The following HMGA1 variants were observed in gnomAD, a reference collection of about 807,000 sequenced individuals.
The protein encoded by HMGA1 is high mobility group AT-hook 1, also known as high mobility group protein HMG-I/HMG-Y.
HMGA1 carries 1 observed loss-of-function variant against 15.1 expected under a neutral mutation model. The observed-to-expected ratio is 0.07, with a 90% confidence interval of 0.02 to 0.31. The LOEUF is 0.31. Among genes scored for constraint, HMGA1 ranks in the 10% least tolerant of loss-of-function variants. The pLI is 1.00. For missense variants in HMGA1, 94 were observed against 141.4 expected, an observed-to-expected ratio of 0.66 and a Z score of 1.70; for synonymous variants, 56 against 54.8, an observed-to-expected ratio of 1.02 and a Z score of -0.10.
chr6:34,239,717 C>G (rs758519125), intron 2 of HMGA1, among the ~76,000 whole-genome samples: 3 of 152,062 alleles, frequency 2.0e-5, no homozygotes, highest in Non-Finnish European at 4.4e-5. Context: ...GAGGACTGTC[C>G]TTTTTAAGCC....
rs762449678 is a variant in HMGA1, at chr6:34,243,536, C to T, written c.270+18C>T. 1.9e-6 allele frequency: 3 copies of T among 1,593,498 alleles called. No homozygotes were observed. The South Asian group carries it at 3.3e-5, about 18-fold the overall frequency. On this transcript the variant is annotated intron_variant, in intron 5 of 5. Transcript: ENST00000311487. ...AAAAACTGGTAGGTGAAGAAGCAGA[C>T]TGCTGCTTGCCTCCTGGGCTCTTTT...
rs1295284467 is a variant in HMGA1 at position 34,245,544 on chromosome 6, C to G, written c.*660C>G. 4 of 1,380,736 alleles carry G rather than the reference C, an allele frequency of 2.9e-6. No individual in the cohort carries two copies. The Admixed American group carries it at 8.7e-5, about 30-fold the overall frequency. 85.5% of individuals were successfully genotyped at this position (1,380,736 alleles called of 1,614,324 possible). ...TTACAGGAAGGCAGGAGGGGTGAGT[C>G]CCCTACTCCCTCTTCACTGTGGCCA... On this transcript the variant is annotated 3_prime_UTR_variant, in exon 6 of 6. Transcript: ENST00000311487.
At chr6:34,244,755 G>T in intron 5 of HMGA1, 76 bp from the exon 6 acceptor site, 3 of 1,233,098 alleles carry the variant, frequency 2.4e-6, no homozygotes, top group Non-Finnish European at 3.5e-6. Flanking sequence ...AGTGCAGGGA[G>T]CGGGTGGGGC....
rs1383656772 is a variant in HMGA1 at position 34,245,250 on chromosome 6, G to T, written c.*366G>T. ...CATTGCTCTCTGGGCTTTTGGTTTG[G>T]GGGCGCCCTCTCTGCTCCTTCACTG... is the stretch of plus-strand genomic sequence containing the variant. On this transcript the variant is annotated 3_prime_UTR_variant, in exon 6 of 6. Coordinates refer to ENST00000311487, the MANE Select transcript of HMGA1 (RefSeq NM_145899.3). The T allele has an allele frequency of 7.2e-7, 1 of 1,379,980 alleles. No homozygotes were observed. Among genetic ancestry groups the T allele is most frequent in the Admixed American group, 2.2e-5 (1 of 46,238 alleles). 85.5% of individuals were successfully genotyped at this position (1,379,980 alleles called of 1,614,324 possible). A position where few individuals can be genotyped will look rare whatever the true frequency, so the allele number is the denominator to read the frequency against.
At chr6:34,240,965 A>T in intron 3 of HMGA1, 50 bp downstream of exon 3, 1 of 1,606,982 alleles carries the variant, frequency 6.2e-7, no homozygotes. Context: ...GGGGCTAGGG[A>T]GGTGCCTGGA....
At chr6:34,240,970 C>T in intron 3 of HMGA1, 55 bp downstream of exon 3, 1 of 1,602,646 alleles carries the variant, frequency 6.2e-7, no homozygotes, top group Non-Finnish European at 8.5e-7. Flanking sequence ...TAGGGAGGTG[C>T]CTGGAGTTTC....
chr6:34,245,438 T>G lies in HMGA1; in HGVS notation c.*554T>G, dbSNP rs1277550684. On this transcript the variant is annotated 3_prime_UTR_variant, in exon 6 of 6. Transcript: ENST00000311487. Reference sequence around the variant, plus strand: ...CCCCAGGATTCCCCCAGCCAAACTGTCTTTGTCACCACGTGGGGCTCACTT... The same window carrying G: ...CCCCAGGATTCCCCCAGCCAAACTGGCTTTGTCACCACGTGGGGCTCACTT... 9 of 1,370,150 alleles carry G rather than the reference T, an allele frequency of 6.6e-6. No individual in the cohort carries two copies. Among genetic ancestry groups the G allele is most frequent in the Middle Eastern group, 3.9e-4 (2 of 5,152 alleles). 84.9% of individuals were successfully genotyped at this position (1,370,150 alleles called of 1,614,324 possible).
Position 34,245,732 on chromosome 6 carries a change from C to T in HMGA1, c.*848C>T. On this transcript the variant is annotated 3_prime_UTR_variant, in exon 6 of 6. Coordinates refer to ENST00000311487, the MANE Select transcript of HMGA1 (RefSeq NM_145899.3). ...TGCTTCCGCCACTCAGCCATTTCCC[C>T]CTCCTCAGATGGGGCACCAATAACA... 1 of 636,106 alleles carries T rather than the reference C, an allele frequency of 1.6e-6. No individual in the cohort carries two copies. Among genetic ancestry groups the T allele is most frequent in the Non-Finnish European group, 2.5e-6 (1 of 397,980 alleles). 39.4% of individuals were successfully genotyped at this position (636,106 alleles called of 1,614,324 possible).
At chr6:34,240,041 C>G (rs377476645) in intron 2 of HMGA1, among the ~76,000 whole-genome samples, 9 of 152,116 alleles carry the variant, frequency 5.9e-5, no homozygotes, top group East Asian at 5.8e-4. Flanking sequence ...TTTGGGCTCA[C>G]TTTCCTCCCC....
At chr6:34,238,962 G>C (rs1762064605) in intron 2 of HMGA1, 1 of 152,178 alleles carries the variant, frequency 6.6e-6, no homozygotes, top group African/African-American at 2.4e-5. Context: ...TATGAGGTCA[G>C]CACTCGTTTA....
At chr6:34,241,047 C>G in intron 3 of HMGA1, 132 bp downstream of exon 3, 1 of 1,037,012 alleles carries the variant, frequency 9.6e-7, no homozygotes, top group Non-Finnish European at 1.5e-6. Flanking sequence ...GTGGGTGTGT[C>G]CTCCCACCTG....
At chr6:34,243,359 G>C in intron 4 of HMGA1, 109 bp from the exon 5 acceptor site, 1 of 856,944 alleles carries the variant, frequency 1.2e-6, no homozygotes, top group Non-Finnish European at 1.9e-6. Context: ...GGGTGAGAGT[G>C]TTGGGTCACC....
At chr6:34,238,016 C>T (rs1428277262) in intron 2 of HMGA1, among the ~76,000 whole-genome samples, 2 of 152,174 alleles carry the variant, frequency 1.3e-5, no homozygotes, top group Non-Finnish European at 2.9e-5. Context: ...TCTGTTGGAA[C>T]TAGTCCCTTT....
chr6:34,244,819 C>T lies in HMGA1; in HGVS notation c.271-12C>T. On this transcript the variant is annotated splice_polypyrimidine_tract_variant and intron_variant, in intron 5 of 5. Transcript: ENST00000311487. The stretch of plus-strand genomic sequence containing the variant: ...GGGCCAGAGCTCACACCAACAACTG[C>T]CCACCTCACAGGAGAAGGAGGAAGA... The T allele has an allele frequency of 1.3e-6, 2 of 1,568,568 alleles. No homozygotes were observed. Among genetic ancestry groups the T allele is most frequent in the Non-Finnish European group, 1.7e-6 (2 of 1,156,948 alleles).
chr6:34,245,720 C>T lies in HMGA1; in HGVS notation c.*836C>T, dbSNP rs537322378. ...CTAACCCTACTTTGCTTCCGCCACTCAGCCATTTCCCCCTCCTCAGATGGG... is the reference window on the plus strand; with the variant it reads ...CTAACCCTACTTTGCTTCCGCCACTTAGCCATTTCCCCCTCCTCAGATGGG... On this transcript the variant is annotated 3_prime_UTR_variant, in exon 6 of 6. Coordinates refer to ENST00000311487, the MANE Select transcript of HMGA1 (RefSeq NM_145899.3). 188 of 738,700 alleles carry T rather than the reference C, an allele frequency of 2.5e-4. No individual in the cohort carries two copies. The highest frequency in any genetic ancestry group is 3.7e-4 in the Non-Finnish European group (179 of 489,578). 45.8% of individuals were successfully genotyped at this position (738,700 alleles called of 1,614,324 possible). A position where few individuals can be genotyped will look rare whatever the true frequency, so the allele number is the denominator to read the frequency against.
chr6:34,243,737 G>T (rs1762485615), intron 5 of HMGA1, among the ~76,000 whole-genome samples: 1 of 152,054 alleles, frequency 6.6e-6, no homozygotes, highest in Non-Finnish European at 1.5e-5. Context: ...ACATCCCCCT[G>T]CCCTGCCCTG....
chr6:34,238,952 T>C (rs1390297027), intron 2 of HMGA1: 9 of 152,110 alleles, frequency 5.9e-5, no homozygotes, highest in Non-Finnish European at 1.2e-4. Context: ...GCAGACCTTA[T>C]ATGAGGTCAG....
intron 5 of HMGA1, among the ~76,000 whole-genome samples, chr6:34,243,809 G>A (rs1762491783): frequency 6.6e-6 from 1 of 152,138 alleles, no homozygotes; most frequent in Non-Finnish European, 1.5e-5. Context: ...ACTTCTAGGG[G>A]AGATCTTGGA....
intron 3 of HMGA1, 23 bp from the exon 4 acceptor site, chr6:34,242,689 G>GACGT: frequency 1.3e-6 from 2 of 1,527,108 alleles, no homozygotes; most frequent in Non-Finnish European, 1.8e-6. Context: ...GACTGTCCCT[G>GACGT]ACTACCCCCT....
Sources: allele counts gnomAD v4.1 joint callset (sites outside exome capture counted in the v4.1 genomes callset), GRCh38; gene constraint gnomAD v4.1.1; transcripts MANE v1.5; gene names NCBI Gene and HGNC (gene_info 2026-07-23, HGNC 2026-07-21).